BRINP1: variants seen among roughly 807,000 people sequenced by gnomAD.
BRINP1 encodes BMP/retinoic acid inducible neural specific 1, also known as BMP/retinoic acid-inducible neural-specific protein 1.
Under a neutral mutation model 72.9 loss-of-function variants are expected in BRINP1, and 17 were observed. The ratio of observed to expected loss-of-function variants is 0.23; its 90% CI spans 0.16 to 0.35. The LOEUF (loss-of-function observed/expected upper bound fraction) is 0.35. Among genes scored for constraint, BRINP1 ranks in the 10% least tolerant of loss-of-function variants. The probability of loss-of-function intolerance (pLI) is 1.00; values close to 1 mark genes in which losing one functional copy is unlikely to be tolerated. For missense variants in BRINP1, 850 were observed against 1,001.6 expected, an observed-to-expected ratio of 0.85 and a Z score of 2.04; for synonymous variants, 418 against 378.5, an observed-to-expected ratio of 1.10 and a Z score of -1.21.
Position 119,363,668 on chromosome 9 carries a change from TAATG to T in BRINP1, c.-51+5384_-51+5387del, listed in dbSNP as rs375821941. Among the ~76,000 whole-genome samples, 6 of 152,320 alleles carry T rather than the reference TAATG, an allele frequency of 3.9e-5. No homozygotes were observed. In the East Asian group the frequency reaches 7.7e-4, roughly 20 times the overall value. On this transcript the variant is annotated intron_variant, in intron 1 of 7. Transcript: ENST00000265922. Reference sequence around the variant, plus strand: ...ATCTCGCTCCTCTAGAGTGTGAACTTAATGAAAACAAACAAGGCCATGGCCATGT... The same window carrying T: ...ATCTCGCTCCTCTAGAGTGTGAACTTAAAACAAACAAGGCCATGGCCATGT...
chr9:119,234,919 TAGATACTTGCCC>T (rs1830180446), intron 5 of BRINP1, among the ~76,000 whole-genome samples: 1 of 152,170 alleles, frequency 6.6e-6, no homozygotes, highest in South Asian at 2.1e-4. Context: ...TCTTGAGTCA[TAGATACTTGCCC>T]ATCTATCCTT....
chr9:119,283,445 C>A (rs1216804917), intron 2 of BRINP1, among the ~76,000 whole-genome samples: 1 of 152,228 alleles, frequency 6.6e-6, no homozygotes. Context: ...AAAATACTTG[C>A]CACTTTCACG....
intron 7 of BRINP1, among the ~76,000 whole-genome samples, chr9:119,181,409 G>C (rs1829556356): frequency 6.6e-6 from 1 of 152,116 alleles, no homozygotes; most frequent in Non-Finnish European, 1.5e-5. Flanking sequence ...TTTGACCTTG[G>C]ATATTTGGCC....
chr9:119,360,774 G>C (rs1564257839), intron 1 of BRINP1, among the ~76,000 whole-genome samples: 1 of 152,126 alleles, frequency 6.6e-6, no homozygotes, highest in Non-Finnish European at 1.5e-5. Flanking sequence ...CCTTTGCAAG[G>C]CTAGATAAAT....
At chr9:119,237,346 CATTATTATT>C (rs34106507) in intron 5 of BRINP1, among the ~76,000 whole-genome samples, 5 of 145,036 alleles carry the variant, frequency 3.4e-5, no homozygotes, top group African/African-American at 7.8e-5. Flanking sequence ...TTTCTTGCTA[CATTATTATT>C]ATTATTATTA....
chr9:119,281,440 T>C (rs987154938), intron 2 of BRINP1, among the ~76,000 whole-genome samples: 1 of 22,576 alleles, frequency 4.4e-5, no homozygotes, highest in Non-Finnish European at 8.5e-5. Context: ...GGAGGGAGGG[T>C]GGGAGAGACA....
chr9:119,262,064 G>A (rs979392306), intron 2 of BRINP1, among the ~76,000 whole-genome samples: 1 of 152,146 alleles, frequency 6.6e-6, no homozygotes, highest in South Asian at 2.1e-4. Flanking sequence ...CACTTTGCAT[G>A]AATACTCACA....
At chr9:119,321,502 T>C (rs1189594851) in intron 1 of BRINP1, among the ~76,000 whole-genome samples, 2 of 152,182 alleles carry the variant, frequency 1.3e-5, no homozygotes, top group South Asian at 2.1e-4. Flanking sequence ...ATTTATTTTT[T>C]AGTTTTTTGA....
At chr9:119,262,000 C>T (rs1362300276) in intron 2 of BRINP1, among the ~76,000 whole-genome samples, 3 of 151,894 alleles carry the variant, frequency 2.0e-5, no homozygotes, top group East Asian at 1.9e-4. Context: ...TTTGATTTTC[C>T]GGGTACATAT....
chr9:119,187,218 T>A (rs1829632575), intron 7 of BRINP1, among the ~76,000 whole-genome samples: 1 of 151,844 alleles, frequency 6.6e-6, no homozygotes, highest in Non-Finnish European at 1.5e-5. Context: ...CCAGTTCCAT[T>A]GCCACTCTAA....
chr9:119,173,834 G>A (rs1297569330), intron 7 of BRINP1, among the ~76,000 whole-genome samples: 18 of 142,360 alleles, frequency 1.3e-4, no homozygotes, highest in Admixed American at 1.2e-3. Context: ...CAGAAATAAT[G>A]CCGCATATCT....
At chr9:119,185,689 C>A (rs530788424) in intron 7 of BRINP1, among the ~76,000 whole-genome samples, 18 of 152,118 alleles carry the variant, frequency 1.2e-4, no homozygotes, top group Non-Finnish European at 2.4e-4. Context: ...TCTCTGCTAC[C>A]TCCTCTCCCC....
intron 2 of BRINP1, among the ~76,000 whole-genome samples, chr9:119,312,869 T>G (rs1462885120): frequency 3.3e-5 from 5 of 152,220 alleles, no homozygotes; most frequent in Non-Finnish European, 5.9e-5. Context: ...GCTATTAGAA[T>G]GTTTAAATGA....
chr9:119,281,902 G>A (rs1359473460), intron 2 of BRINP1, among the ~76,000 whole-genome samples: 1 of 152,006 alleles, frequency 6.6e-6, no homozygotes, highest in East Asian at 1.9e-4. Context: ...ATCCCTTATT[G>A]ACAGGTATTC....
chr9:119,275,610 T>A (rs539115765), intron 2 of BRINP1, among the ~76,000 whole-genome samples: 13 of 152,270 alleles, frequency 8.5e-5, no homozygotes, highest in Non-Finnish European at 1.2e-4. Flanking sequence ...ATGCAACATA[T>A]TGGATGCTTG....
At chr9:119,245,750 G>C (rs550763993) in intron 3 of BRINP1, among the ~76,000 whole-genome samples, 17 of 152,182 alleles carry the variant, frequency 1.1e-4, no homozygotes, top group Admixed American at 9.8e-4. Context: ...TTTAGTATTT[G>C]ATTATCCCCT....
intron 1 of BRINP1, among the ~76,000 whole-genome samples, chr9:119,367,815 ACT>A (rs201244673): frequency 1.3e-5 from 2 of 150,476 alleles, no homozygotes; most frequent in South Asian, 2.1e-4. Flanking sequence ...GTACTGAAAC[ACT>A]CTCTCTCTCT....
intron 1 of BRINP1, among the ~76,000 whole-genome samples, chr9:119,338,438 G>C (rs1187862366): frequency 2.0e-5 from 3 of 152,018 alleles, no homozygotes; most frequent in Admixed American, 2.0e-4. Flanking sequence ...GCAGGGAGAA[G>C]AACAACAATG....
chr9:119,278,002 A>G (rs1830673143), intron 2 of BRINP1, among the ~76,000 whole-genome samples: 1 of 152,212 alleles, frequency 6.6e-6, no homozygotes, highest in Admixed American at 6.5e-5. Context: ...TATTCTTTAT[A>G]TGGATTATTC....
Sources: gnomAD v4.1 joint callset for allele counts (sites outside exome capture counted in the v4.1 genomes callset) on GRCh38, gnomAD v4.1.1 for gene constraint, MANE v1.5 for transcripts, NCBI Gene and HGNC (gene_info 2026-07-23, HGNC 2026-07-21) for gene names.